Variants in PTPRD observed in about 807,000 individuals in gnomAD.
PTPRD encodes protein tyrosine phosphatase receptor type D.
Under a neutral mutation model 214.5 loss-of-function variants are expected in PTPRD, and 34 were observed. The observed-to-expected ratio is 0.16, with a 90% CI of 0.12 to 0.21. PTPRD has a LOEUF of 0.21. Ranked by LOEUF, PTPRD falls within the 10% of genes least tolerant of loss-of-function variation. PTPRD has a pLI of 1.00. For synonymous variants in PTPRD, 1,128 were observed against 845.7 expected (o/e 1.33, Z -5.79); for missense variants, 2,545 against 2,398.7 (o/e 1.06, Z -1.27).
chr9:9,843,437 TG>T (rs2058788356), intron 5 of PTPRD, among the ~76,000 whole-genome samples: 1 of 151,990 alleles, frequency 6.6e-6, no homozygotes, highest in African/African-American at 2.4e-5. Context: ...TTAATGACCT[TG>T]GCCAAGTTAC....
At chr9:9,631,012 A>T (rs10816149) in intron 7 of PTPRD, among the ~76,000 whole-genome samples, 20,766 of 151,960 alleles carry the variant, frequency 0.14, 1,866 homozygotes, top group African/African-American at 0.25. Context: ...TGAAAGGGGC[A>T]GTCAACTATA....
intron 5 of PTPRD, among the ~76,000 whole-genome samples, chr9:9,781,391 T>C (rs2098841545): frequency 6.6e-6 from 1 of 151,982 alleles, no homozygotes; most frequent in African/African-American, 2.4e-5. Flanking sequence ...TCGATAAAAA[T>C]ACGCAAAAAT....
At chr9:8,331,119 A>AT (rs1587793267) in intron 44 of PTPRD, among the ~76,000 whole-genome samples, 1 of 152,156 alleles carries the variant, frequency 6.6e-6, no homozygotes, top group African/African-American at 2.4e-5. Flanking sequence ...AGCAAATTGC[A>AT]TTTTTTAACT....
intron 10 of PTPRD, among the ~76,000 whole-genome samples, chr9:9,051,544 A>G (rs923325599): frequency 1.7e-4 from 26 of 152,214 alleles, no homozygotes; most frequent in Non-Finnish European, 3.7e-4. Flanking sequence ...TTTTTAACAT[A>G]GAAATCCAGA....
chr9:10,181,749 G>C (rs2099290280), intron 3 of PTPRD, among the ~76,000 whole-genome samples: 1 of 149,508 alleles, frequency 6.7e-6, no homozygotes, highest in African/African-American at 2.5e-5. Context: ...AATGGTGTTT[G>C]AAAATTTTCT....
At chr9:9,149,499 T>C (rs545169697) in intron 10 of PTPRD, among the ~76,000 whole-genome samples, 21 of 152,290 alleles carry the variant, frequency 1.4e-4, no homozygotes, top group South Asian at 2.1e-4. Context: ...TGGTGTTCTG[T>C]AGAAGCCATT....
At chr9:10,328,305 G>C (rs2096682680) in intron 3 of PTPRD, among the ~76,000 whole-genome samples, 1 of 151,442 alleles carries the variant, frequency 6.6e-6, no homozygotes. Context: ...TATTTTTCAT[G>C]ATCATGTGTA....
At chr9:8,566,749 A>C (rs550186286) in intron 14 of PTPRD, among the ~76,000 whole-genome samples, 2 of 152,232 alleles carry the variant, frequency 1.3e-5, no homozygotes, top group African/African-American at 4.8e-5. Context: ...AATTACCCAG[A>C]AACTATACAT....
intron 11 of PTPRD, among the ~76,000 whole-genome samples, chr9:8,840,952 G>A (rs1337839607): frequency 3.3e-5 from 5 of 152,072 alleles, no homozygotes; most frequent in Non-Finnish European, 5.9e-5. Flanking sequence ...GTGAATCACC[G>A]GGTTTCCTTA....
At chr9:9,808,494 C>A (rs529073576) in intron 5 of PTPRD, among the ~76,000 whole-genome samples, 2 of 152,108 alleles carry the variant, frequency 1.3e-5, no homozygotes, top group Non-Finnish European at 1.5e-5. Context: ...CCACCGTACC[C>A]GGATAGGCTT....
At chr9:9,867,240 GT>G (rs2064204988) in intron 5 of PTPRD, among the ~76,000 whole-genome samples, 1 of 152,068 alleles carries the variant, frequency 6.6e-6, no homozygotes, top group African/African-American at 2.4e-5. Flanking sequence ...TGATCACATA[GT>G]TGGCTTACTC....
intron 7 of PTPRD, among the ~76,000 whole-genome samples, chr9:9,579,927 C>G (rs1249853911): frequency 1.3e-5 from 2 of 152,050 alleles, no homozygotes; most frequent in Admixed American, 6.6e-5. Flanking sequence ...TTATTTAGCT[C>G]CCACTTATAA....
At chr9:9,770,072 T>C (rs1486531306) in intron 5 of PTPRD, among the ~76,000 whole-genome samples, 2 of 152,214 alleles carry the variant, frequency 1.3e-5, no homozygotes, top group African/African-American at 4.8e-5. Context: ...TAAACATTCA[T>C]GTGCATGTGA....
At chr9:8,581,236 C>T (rs1377052654) in intron 14 of PTPRD, among the ~76,000 whole-genome samples, 1 of 151,740 alleles carries the variant, frequency 6.6e-6, no homozygotes, top group Non-Finnish European at 1.5e-5. Context: ...TTAATATTTC[C>T]AGTCATTAAA....
At chr9:10,248,036 C>G (rs537096065) in intron 3 of PTPRD, among the ~76,000 whole-genome samples, 1 of 152,150 alleles carries the variant, frequency 6.6e-6, no homozygotes, top group Admixed American at 6.5e-5. Context: ...CTGTGCAAGC[C>G]CTCTCTCTTG....
chr9:9,335,095 C>T (rs1467836988), intron 9 of PTPRD, among the ~76,000 whole-genome samples: 1 of 151,970 alleles, frequency 6.6e-6, no homozygotes, highest in African/African-American at 2.4e-5. Flanking sequence ...TATTAATATT[C>T]TCCAACTGAC....
At chr9:9,418,389 T>C (rs1204782078) in intron 8 of PTPRD, among the ~76,000 whole-genome samples, 4 of 151,914 alleles carry the variant, frequency 2.6e-5, no homozygotes, top group Non-Finnish European at 4.4e-5. Context: ...ACTGGTCATG[T>C]TAGGATTTAA....
At chr9:10,611,509 T>A (rs895147977) in intron 2 of PTPRD, among the ~76,000 whole-genome samples, 46 of 152,242 alleles carry the variant, frequency 3.0e-4, no homozygotes, top group African/African-American at 1.0e-3. Flanking sequence ...TATATATGTA[T>A]AATGAACTTA....
At chr9:9,821,098 C>G (rs1453592266) in intron 5 of PTPRD, among the ~76,000 whole-genome samples, 1 of 152,076 alleles carries the variant, frequency 6.6e-6, no homozygotes, top group Non-Finnish European at 1.5e-5. Context: ...TTGATTATTT[C>G]AATCCATGAG....
Sources: allele counts gnomAD v4.1 joint callset (sites outside exome capture counted in the v4.1 genomes callset), GRCh38; gene constraint gnomAD v4.1.1; transcripts MANE v1.5; gene names NCBI Gene and HGNC (gene_info 2026-07-23, HGNC 2026-07-21).